Variants in TRPM1 observed in about 807,000 individuals in gnomAD.
The protein encoded by TRPM1 is transient receptor potential cation channel subfamily M member 1.
TRPM1 carries 113 observed loss-of-function variants against 149.4 expected under a neutral mutation model. The ratio of observed to expected loss-of-function variants is 0.76; its 90% confidence interval spans 0.65 to 0.88. The LOEUF is 0.88. TRPM1 is among the 40% of genes least tolerant of loss of function. The pLI, the probability that TRPM1 is intolerant of heterozygous loss-of-function variation, is 0.00. For missense variants in TRPM1, 1,976 were observed against 2,038.7 expected (o/e 0.97, Z 0.59); for synonymous variants, 741 against 759.5 (o/e 0.98, Z 0.40).
At chr15:31,160,901 C>T in intron 1 of TRPM1, 4 of 1,535,530 alleles carry the variant, frequency 2.6e-6, no homozygotes, top group South Asian at 1.2e-5. Context: ...GCAAAGCTCA[C>T]TCACCTTCTG....
chr15:31,042,283 A>G (rs1215146674), intron 16 of TRPM1, 40 bp from the exon 17 acceptor site: 1 of 1,547,636 alleles, frequency 6.5e-7, no homozygotes, highest in African/African-American at 1.4e-5. Flanking sequence ...TTGCCATAAA[A>G]GTATGCAACA....
At position 31,038,172 on chromosome 15, in the gene TRPM1, G is replaced by A. The variant is rs1407210180; in HGVS notation, c.2317-6C>T. 3 of 1,613,716 alleles carry A rather than the reference G, an allele frequency of 1.9e-6. No individual in the cohort carries two copies. Among genetic ancestry groups the A allele is most frequent in the Admixed American group, 1.7e-5 (1 of 59,980 alleles). Reference sequence around the variant, plus strand: ...AGAAGAATCCCCATGATAACCTACGGAACATAAATTGATTTTTTAAGCTGT... The same window carrying A: ...AGAAGAATCCCCATGATAACCTACGAAACATAAATTGATTTTTTAAGCTGT... On this transcript the variant is annotated splice_region_variant and splice_polypyrimidine_tract_variant and intron_variant, in intron 18 of 27. Transcript: ENST00000256552.
At chr15:31,131,338 A>G (rs991927623) in intron 1 of TRPM1, among the ~76,000 whole-genome samples, 3 of 152,202 alleles carry the variant, frequency 2.0e-5, no homozygotes, top group Non-Finnish European at 4.4e-5. Context: ...GCTTCCTTTC[A>G]GTGAAAAGGT....
intron 1 of TRPM1, among the ~76,000 whole-genome samples, chr15:31,122,759 T>C (rs2035897496): frequency 6.6e-6 from 1 of 152,180 alleles, no homozygotes; most frequent in African/African-American, 2.4e-5. Context: ...CTTCCCAACT[T>C]GATCTATAGA....
At chr15:31,076,327 C>G (rs1364504085) in intron 3 of TRPM1, among the ~76,000 whole-genome samples, 1 of 152,150 alleles carries the variant, frequency 6.6e-6, no homozygotes, top group Admixed American at 6.5e-5. Flanking sequence ...ATAAATTGTT[C>G]CCCTTCCCCC....
At chr15:31,116,747 G>A (rs189923404) in intron 1 of TRPM1, among the ~76,000 whole-genome samples, 1 of 152,012 alleles carries the variant, frequency 6.6e-6, no homozygotes, top group Admixed American at 6.5e-5. Context: ...ATTTCCTAGG[G>A]AACCCAAAGA....
intron 23 of TRPM1, 54 bp from the exon 24 acceptor site, chr15:31,029,445 G>C: frequency 6.3e-7 from 1 of 1,579,260 alleles, no homozygotes; most frequent in South Asian, 1.1e-5. Flanking sequence ...TGACAGGAGG[G>C]GAGGAAAGAA....
intron 8 of TRPM1, 45 bp from the exon 9 acceptor site, chr15:31,062,747 C>G: frequency 6.2e-7 from 1 of 1,604,598 alleles, no homozygotes. Flanking sequence ...CAAGTTAAAT[C>G]TATATATGAA....
At chr15:31,065,511 G>T (rs1355700436) in intron 7 of TRPM1, among the ~76,000 whole-genome samples, 1 of 152,120 alleles carries the variant, frequency 6.6e-6, no homozygotes, top group Non-Finnish European at 1.5e-5. Flanking sequence ...TCTGGTTGAG[G>T]TTTGCGTCTT....
chr15:31,048,252 C>A (rs1163306806), intron 13 of TRPM1, among the ~76,000 whole-genome samples: 1 of 151,904 alleles, frequency 6.6e-6, no homozygotes, highest in African/African-American at 2.4e-5. Context: ...AAAGTGAGAC[C>A]TCGTCTAAGA....
At chr15:31,061,658 CT>C (rs933990152) in intron 9 of TRPM1, 144 bp from the exon 10 acceptor site, 48 of 700,484 alleles carry the variant, frequency 6.9e-5, no homozygotes, top group South Asian at 2.7e-4. Flanking sequence ...CTGTTGATTT[CT>C]TTTTTTTCTT....
chr15:31,032,609 G>A (rs2033140941), intron 22 of TRPM1, 80 bp downstream of exon 22: 3 of 1,557,122 alleles, frequency 1.9e-6, no homozygotes, highest in African/African-American at 1.4e-5. Context: ...GAAATTGAAG[G>A]AAGCCATGCC....
intron 1 of TRPM1, among the ~76,000 whole-genome samples, chr15:31,096,302 A>G (rs1408817704): frequency 6.6e-6 from 1 of 152,192 alleles, no homozygotes; most frequent in Non-Finnish European, 1.5e-5. Context: ...TCTCTAAACT[A>G]TGTGCAGACA....
At chr15:31,117,210 G>T (rs1375911507) in intron 1 of TRPM1, among the ~76,000 whole-genome samples, 1 of 152,052 alleles carries the variant, frequency 6.6e-6, no homozygotes, top group Non-Finnish European at 1.5e-5. Flanking sequence ...ATTAGGCCGG[G>T]CATGGTGGCT....
chr15:31,050,338 A>G (rs2033910913), intron 12 of TRPM1, 71 bp downstream of exon 12: 1 of 1,612,146 alleles, frequency 6.2e-7, no homozygotes, highest in African/African-American at 1.3e-5. Context: ...GACTGAAGCA[A>G]GGACAAGAAC....
intron 1 of TRPM1, among the ~76,000 whole-genome samples, chr15:31,128,845 G>C (rs1002825482): frequency 1.3e-5 from 2 of 152,248 alleles, no homozygotes; most frequent in South Asian, 2.1e-4. Context: ...TTTTTGAACA[G>C]AGGGCCAGCA....
At chr15:31,009,508 C>T (rs2032107796) in intron 27 of TRPM1, among the ~76,000 whole-genome samples, 1 of 151,944 alleles carries the variant, frequency 6.6e-6, no homozygotes, top group South Asian at 2.1e-4. Flanking sequence ...TAGTTTGTGG[C>T]CCTTCATTTG....
At chr15:31,031,621 C>A (rs2033085290) in intron 22 of TRPM1, among the ~76,000 whole-genome samples, 1 of 152,182 alleles carries the variant, frequency 6.6e-6, no homozygotes, top group South Asian at 2.1e-4. Context: ...GGATACTAAA[C>A]TGGTATAATT....
rs547066139 is a variant in TRPM1 at position 31,010,048 on chromosome 15, T to C, written c.3630-6978A>G. Reference sequence around the variant, plus strand: ...CATTGACATTTACTGATTGTCTTTTTTCCCCAGGTGAGTTGAGATTTTCTA... The same window carrying C: ...CATTGACATTTACTGATTGTCTTTTCTCCCCAGGTGAGTTGAGATTTTCTA... On this transcript the variant is annotated intron_variant, in intron 27 of 27. Transcript: ENST00000256552. 4.5e-4 allele frequency among the ~76,000 whole-genome samples: 69 copies of C among 152,380 alleles called. No individual in the cohort carries two copies. The South Asian group carries it at 9.9e-3, about 22-fold the overall frequency.
Sources: allele counts gnomAD v4.1 joint callset (sites outside exome capture counted in the v4.1 genomes callset), GRCh38; gene constraint gnomAD v4.1.1; transcripts MANE v1.5; gene names NCBI Gene and HGNC (gene_info 2026-07-23, HGNC 2026-07-21).